MCC: variants seen among roughly 807,000 people sequenced by gnomAD.
MCC encodes the protein colorectal mutant cancer protein.
A neutral mutation model predicts 116.2 loss-of-function variants in MCC; 90 were observed. The ratio of observed to expected loss-of-function variants is 0.77; its 90% CI spans 0.65 to 0.92. The LOEUF (loss-of-function observed/expected upper bound fraction) is 0.92, where lower values mean the gene tolerates loss of function less well. Among genes scored for constraint, MCC ranks in the 40% least tolerant of loss-of-function variants. MCC has a pLI of 0.00. For synonymous variants in MCC, 578 were observed against 510.5 expected (o/e 1.13, Z -1.78); for missense variants, 1,516 against 1,312.2 (o/e 1.16, Z -2.40).
At position 113,487,594 on chromosome 5, in the gene MCC, T is replaced by G. The variant is rs113309214; in HGVS notation, c.170+651A>C. Among the ~76,000 whole-genome samples the G allele has an allele frequency of 2.0e-3, 306 of 152,360 alleles. 5 individuals are homozygous for G. Among genetic ancestry groups the G allele is most frequent in the African/African-American group, 7.0e-3 (293 of 41,594 alleles). On this transcript the variant is annotated intron_variant, in intron 1 of 18. Coordinates refer to ENST00000408903, the MANE Select transcript of MCC (RefSeq NM_001085377.2). ...GCCCGGAGCCACGCCGAAGCTCACC[T>G]GGTCAGCGCACAGAGCCGGGTAGGA... is the stretch of plus-strand genomic sequence containing the variant.
chr5:113,138,724 G>A (rs182299910), intron 5 of MCC, among the ~76,000 whole-genome samples: 1 of 152,144 alleles, frequency 6.6e-6, no homozygotes, highest in Non-Finnish European at 1.5e-5. Flanking sequence ...GAAGCTCCAT[G>A]GGTTATCATC....
At chr5:113,129,580 T>C (rs976837940) in intron 5 of MCC, among the ~76,000 whole-genome samples, 2 of 152,198 alleles carry the variant, frequency 1.3e-5, no homozygotes, top group Non-Finnish European at 1.5e-5. Context: ...TGTCCCCATA[T>C]GGCTGGGAGG....
intron 3 of MCC, among the ~76,000 whole-genome samples, chr5:113,187,384 C>T (rs147035883): frequency 0.056 from 8,457 of 152,166 alleles, 277 homozygotes; most frequent in African/African-American, 0.069. Context: ...GCTGGGATTA[C>T]AAGTGTGAGC....
intron 3 of MCC, among the ~76,000 whole-genome samples, chr5:113,252,863 GTA>G (rs1417083940): frequency 6.6e-6 from 1 of 152,186 alleles, no homozygotes; most frequent in African/African-American, 2.4e-5. Context: ...TTTCTTAAAT[GTA>G]TATGTCATAA....
chr5:113,324,158 A>G (rs983359924), intron 3 of MCC, among the ~76,000 whole-genome samples: 6 of 152,174 alleles, frequency 3.9e-5, no homozygotes, highest in African/African-American at 1.4e-4. Flanking sequence ...GTTTCTATAG[A>G]ACCCCAGAAT....
intron 3 of MCC, among the ~76,000 whole-genome samples, chr5:113,156,014 G>C (rs1235745839): frequency 6.6e-6 from 1 of 152,152 alleles, no homozygotes; most frequent in East Asian, 1.9e-4. Context: ...CATCCTTGCT[G>C]TTTGGTATCT....
chr5:113,205,709 C>A (rs1041886679), intron 3 of MCC, among the ~76,000 whole-genome samples: 1 of 152,074 alleles, frequency 6.6e-6, no homozygotes, highest in African/African-American at 2.4e-5. Context: ...AGAAAAATAT[C>A]TTATTTGCTT....
At chr5:113,127,827 G>A (rs1164833881) in intron 5 of MCC, among the ~76,000 whole-genome samples, 1 of 152,106 alleles carries the variant, frequency 6.6e-6, no homozygotes, top group Non-Finnish European at 1.5e-5. Context: ...CTTTTGCTAT[G>A]CAGAAGCTCT....
chr5:113,110,269 A>G (rs542591327), intron 6 of MCC, among the ~76,000 whole-genome samples: 4 of 152,338 alleles, frequency 2.6e-5, no homozygotes, highest in African/African-American at 7.2e-5. Flanking sequence ...AATAAGGGGA[A>G]AACACGGTGA....
intron 1 of MCC, among the ~76,000 whole-genome samples, chr5:113,472,571 CT>C (rs1295071857): frequency 6.6e-6 from 1 of 152,154 alleles, no homozygotes; most frequent in African/African-American, 2.4e-5. Flanking sequence ...AATTAATATT[CT>C]TAAATTTGTT....
intron 3 of MCC, among the ~76,000 whole-genome samples, chr5:113,231,233 G>A (rs976955227): frequency 1.3e-5 from 2 of 152,056 alleles, no homozygotes; most frequent in African/African-American, 4.8e-5. Context: ...CACTCCCTGC[G>A]AGTCTCTCCC....
chr5:113,235,656 C>T (rs948921034), intron 3 of MCC, among the ~76,000 whole-genome samples: 8 of 152,222 alleles, frequency 5.3e-5, no homozygotes, highest in Admixed American at 1.3e-4. Flanking sequence ...TAAAACTACA[C>T]AAGGAGATTC....
At chr5:113,035,092 G>A (rs184319420) in intron 17 of MCC, among the ~76,000 whole-genome samples, 14 of 152,146 alleles carry the variant, frequency 9.2e-5, no homozygotes, top group East Asian at 1.9e-4. Flanking sequence ...TGGCATCTGC[G>A]ATTTCACATG....
chr5:113,463,097 A>C (rs1454284604), intron 1 of MCC, among the ~76,000 whole-genome samples: 1 of 152,222 alleles, frequency 6.6e-6, no homozygotes, highest in Non-Finnish European at 1.5e-5. Context: ...TATCCAGTGC[A>C]CAGGAGCTAG....
At chr5:113,112,247 G>C (rs1331484157) in intron 6 of MCC, among the ~76,000 whole-genome samples, 1 of 152,110 alleles carries the variant, frequency 6.6e-6, no homozygotes, top group Non-Finnish European at 1.5e-5. Context: ...CCTTTGATAG[G>C]GCTTGGGTTT....
intron 3 of MCC, among the ~76,000 whole-genome samples, chr5:113,240,037 T>C (rs999742224): frequency 1.3e-5 from 2 of 152,216 alleles, no homozygotes; most frequent in African/African-American, 4.8e-5. Context: ...TACCTACTCT[T>C]TTCTGGTCTC....
At chr5:113,266,924 T>C (rs1341675095) in intron 3 of MCC, among the ~76,000 whole-genome samples, 2 of 152,174 alleles carry the variant, frequency 1.3e-5, no homozygotes, top group African/African-American at 2.4e-5. Context: ...AGGGTATTTA[T>C]GGTTTTGTTT....
chr5:113,147,637 C>T (rs918675435), intron 4 of MCC, among the ~76,000 whole-genome samples: 4 of 152,182 alleles, frequency 2.6e-5, no homozygotes, highest in African/African-American at 9.6e-5. Context: ...ACAACTAACA[C>T]TATTCGGGGT....
chr5:113,159,968 T>G (rs1760392736), intron 3 of MCC, among the ~76,000 whole-genome samples: 1 of 152,242 alleles, frequency 6.6e-6, no homozygotes, highest in Non-Finnish European at 1.5e-5. Flanking sequence ...TTTTCATCTT[T>G]CCTTTTACCT....
Sources: gnomAD v4.1 joint callset for allele counts (sites outside exome capture counted in the v4.1 genomes callset) on GRCh38, gnomAD v4.1.1 for gene constraint, MANE v1.5 for transcripts, NCBI Gene and HGNC (gene_info 2026-07-23, HGNC 2026-07-21) for gene names.